The following RBFOX1 variants were observed in gnomAD, a reference collection of about 807,000 sequenced individuals.
RBFOX1 encodes the protein RNA binding fox-1 homolog 1, also known as RNA binding protein fox-1 homolog 1.
RBFOX1 carries 8 observed loss-of-function variants against 57.7 expected under a neutral mutation model. That is an observed-to-expected ratio of 0.14 (90% CI 0.08 to 0.25). RBFOX1 has a LOEUF of 0.25. RBFOX1 is among the 10% of genes least tolerant of loss of function. RBFOX1 has a pLI of 1.00. For missense variants in RBFOX1, 611 were observed against 548.5 expected (o/e 1.11, Z -1.14); for synonymous variants, 326 against 222.4 (o/e 1.47, Z -4.15).
At chr16:6,676,642 C>A (rs904342677) in intron 3 of RBFOX1, among the ~76,000 whole-genome samples, 2 of 147,232 alleles carry the variant, frequency 1.4e-5, no homozygotes, top group African/African-American at 5.0e-5. Flanking sequence ...TCTCAACTTA[C>A]TTTCTTTTTT....
intron 1 of RBFOX1, among the ~76,000 whole-genome samples, chr16:5,387,195 G>A (rs999804856): frequency 6.6e-6 from 1 of 152,194 alleles, no homozygotes; most frequent in Non-Finnish European, 1.5e-5. Flanking sequence ...ACTGTGCTTG[G>A]CCCTTAACAG....
At chr16:6,257,567 C>G (rs1197259536) in intron 1 of RBFOX1, among the ~76,000 whole-genome samples, 3 of 152,106 alleles carry the variant, frequency 2.0e-5, no homozygotes, top group East Asian at 1.9e-4. Context: ...GATCCTCTCC[C>G]ACTTCCCATC....
chr16:6,750,583 G>A (rs2074736497), intron 3 of RBFOX1, among the ~76,000 whole-genome samples: 1 of 152,200 alleles, frequency 6.6e-6, no homozygotes, highest in Non-Finnish European at 1.5e-5. Context: ...CTAAAGGCAT[G>A]CCTTGTTCAT....
intron 2 of RBFOX1, among the ~76,000 whole-genome samples, chr16:6,432,551 G>A (rs1055573148): frequency 1.2e-4 from 18 of 151,740 alleles, no homozygotes; most frequent in Admixed American, 7.2e-4. Flanking sequence ...GTGTGGTGGC[G>A]GATACCTGTA....
intron 3 of RBFOX1, among the ~76,000 whole-genome samples, chr16:6,802,668 C>G (rs1026554185): frequency 6.6e-6 from 1 of 152,180 alleles, no homozygotes; most frequent in Admixed American, 6.5e-5. Context: ...CAGTGAGACT[C>G]CGTCTCAATT....
At chr16:6,403,710 A>C (rs1241437922) in intron 2 of RBFOX1, among the ~76,000 whole-genome samples, 3 of 152,168 alleles carry the variant, frequency 2.0e-5, no homozygotes, top group African/African-American at 7.2e-5. Flanking sequence ...CCTCAAGTGC[A>C]TCTGGAGAGG....
At chr16:6,791,925 C>G (rs569104049) in intron 3 of RBFOX1, among the ~76,000 whole-genome samples, 2 of 152,190 alleles carry the variant, frequency 1.3e-5, no homozygotes, top group South Asian at 2.1e-4. Flanking sequence ...AGAGAGAGAA[C>G]TAGAGACTGG....
intron 4 of RBFOX1, among the ~76,000 whole-genome samples, chr16:7,220,254 T>C (rs75013329): frequency 0.13 from 19,737 of 152,136 alleles, 1,835 homozygotes; most frequent in African/African-American, 0.26. Context: ...AATATAGTAC[T>C]CGTCAGTGGG....
intron 4 of RBFOX1, among the ~76,000 whole-genome samples, chr16:7,131,762 T>C (rs2070477870): frequency 6.6e-6 from 1 of 152,084 alleles, no homozygotes; most frequent in Admixed American, 6.6e-5. Context: ...TCAGGTTCTC[T>C]GAAGGAGCTT....
chr16:7,522,028 G>A (rs1326440479), intron 5 of RBFOX1, among the ~76,000 whole-genome samples: 1 of 152,178 alleles, frequency 6.6e-6, no homozygotes, highest in African/African-American at 2.4e-5. Context: ...CTCCATTCCT[G>A]GCTTGTGTGG....
chr16:6,233,327 G>A (rs551166728), intron 1 of RBFOX1, among the ~76,000 whole-genome samples: 2 of 152,188 alleles, frequency 1.3e-5, no homozygotes, highest in South Asian at 4.1e-4. Context: ...TTAATTCCTT[G>A]CATCTCTATG....
chr16:7,265,304 G>A (rs2153086024), intron 4 of RBFOX1, among the ~76,000 whole-genome samples: 1 of 150,782 alleles, frequency 6.6e-6, no homozygotes, highest in South Asian at 2.1e-4. Flanking sequence ...GCTTATGGAT[G>A]GTGGCCTTCT....
chr16:6,020,399 C>A (rs1314623275), intron 1 of RBFOX1, among the ~76,000 whole-genome samples: 1 of 152,154 alleles, frequency 6.6e-6, no homozygotes, highest in Non-Finnish European at 1.5e-5. Flanking sequence ...TGCCTCCGCC[C>A]GCAGGGTGTG....
At chr16:7,073,825 C>G (rs567706979) in intron 4 of RBFOX1, among the ~76,000 whole-genome samples, 2 of 152,044 alleles carry the variant, frequency 1.3e-5, no homozygotes, top group Admixed American at 6.6e-5. Flanking sequence ...TGACTGCACT[C>G]CAGCCTGGGT....
intron 3 of RBFOX1, among the ~76,000 whole-genome samples, chr16:6,779,798 TTTATATATTTATA>T (rs2080102945): frequency 1.4e-4 from 1 of 7,140 alleles, no homozygotes; most frequent in African/African-American, 9.5e-4. Context: ...TATATATACT[TTTATATATTTATA>T]TATATATTTA....
At chr16:5,308,002 C>T (rs1381650032) in intron 1 of RBFOX1, among the ~76,000 whole-genome samples, 2 of 152,098 alleles carry the variant, frequency 1.3e-5, no homozygotes, top group Non-Finnish European at 2.9e-5. Flanking sequence ...TTAAAATAGT[C>T]ATGCTTGTGG....
intron 4 of RBFOX1, among the ~76,000 whole-genome samples, chr16:7,347,541 A>G (rs1454576354): frequency 1.3e-5 from 2 of 152,152 alleles, no homozygotes; most frequent in African/African-American, 2.4e-5. Context: ...GACTTGGGTG[A>G]GGACACAGCC....
intron 4 of RBFOX1, among the ~76,000 whole-genome samples, chr16:7,094,703 C>T (rs995784513): frequency 2.1e-5 from 3 of 143,126 alleles, no homozygotes; most frequent in Non-Finnish European, 4.5e-5. Context: ...GGTGGTATGG[C>T]TAAGATGGCT....
chr16:6,602,380 T>A (rs1340450462), intron 2 of RBFOX1, among the ~76,000 whole-genome samples: 1 of 152,156 alleles, frequency 6.6e-6, no homozygotes, highest in Admixed American at 6.5e-5. Flanking sequence ...TCCTGAGCTG[T>A]TTATAAGGAA....
Sources: gnomAD v4.1 joint callset for allele counts (sites outside exome capture counted in the v4.1 genomes callset) on GRCh38, gnomAD v4.1.1 for gene constraint, MANE v1.5 for transcripts, NCBI Gene and HGNC (gene_info 2026-07-23, HGNC 2026-07-21) for gene names.